BRAF: variants seen among roughly 807,000 people sequenced by gnomAD.
BRAF encodes B-Raf proto-oncogene, serine/threonine kinase.
In BRAF, 16 loss-of-function variants were observed where a neutral mutation model predicts 104.6. The ratio of observed to expected loss-of-function variants is 0.15; its 90% CI spans 0.10 to 0.23. The LOEUF is 0.23. BRAF is among the 10% of genes least tolerant of loss of function. BRAF has a pLI of 1.00. For missense variants in BRAF, 541 were observed against 937.3 expected (o/e 0.58, Z 5.52); for synonymous variants, 310 against 341.6 (o/e 0.91, Z 1.02).
intron 19 of BRAF, chr7:140,732,989 T>C (rs1249876369): frequency 6.6e-6 from 1 of 152,216 alleles, no homozygotes; most frequent in Admixed American, 6.5e-5. Context: ...TACTTAGATA[T>C]TTTCCAATAG....
At chr7:140,901,790 T>C (rs1402324437) in intron 1 of BRAF, among the ~76,000 whole-genome samples, 1 of 152,214 alleles carries the variant, frequency 6.6e-6, no homozygotes, top group African/African-American at 2.4e-5. Context: ...GCATATTGAA[T>C]TGTGCTCCTT....
chr7:140,902,794 G>C (rs1403517655), intron 1 of BRAF, among the ~76,000 whole-genome samples: 1 of 151,974 alleles, frequency 6.6e-6, no homozygotes, highest in African/African-American at 2.4e-5. Flanking sequence ...TTTAAGAAAA[G>C]CAAGCAAGCA....
In BRAF at chr7:140,725,414, GT is replaced by G. The variant is rs1436388989; in HGVS notation, c.*1079del. 1 of 950,376 alleles carries G rather than the reference GT, an allele frequency of 1.1e-6. No homozygotes were observed. Among genetic ancestry groups the G allele is most frequent in the African/African-American group, 1.7e-5 (1 of 57,772 alleles). The allele number at this position is 950,376 out of a possible 1,614,324, so 58.9% of individuals were successfully genotyped here. A position where few individuals can be genotyped will look rare whatever the true frequency, so the allele number is the denominator to read the frequency against. On this transcript the variant is annotated 3_prime_UTR_variant, in exon 20 of 20. Coordinates refer to ENST00000644969, the MANE Select transcript of BRAF (RefSeq NM_001374258.1). ...ACAATTTTCAGGATATATAATTCTGGTGGGAAGTATTGTTTTTTTCCAATTC... is the reference window on the plus strand; with the variant it reads ...ACAATTTTCAGGATATATAATTCTGGGGGAAGTATTGTTTTTTTCCAATTC...
intron 14 of BRAF, among the ~76,000 whole-genome samples, chr7:140,773,986 C>T (rs766483249): frequency 4.3e-4 from 65 of 152,180 alleles, no homozygotes; most frequent in Non-Finnish European, 8.1e-4. Context: ...AAATCTGTCA[C>T]CTTAATCTGA....
intron 18 of BRAF, 119 bp downstream of exon 17, chr7:140,739,693 T>C (rs1796747640): frequency 1.1e-5 from 13 of 1,194,680 alleles, no homozygotes; most frequent in Non-Finnish European, 1.3e-5. Flanking sequence ...TTTTCTTGTC[T>C]GGAGTCTGCA....
chr7:140,734,842 A>C, intron 18 of BRAF, 72 bp from the exon 18 acceptor site: 4 of 1,407,432 alleles, frequency 2.8e-6, no homozygotes, highest in Non-Finnish European at 3.8e-6. Context: ...GAAAAAGAAA[A>C]AACAGAAAGA....
chr7:140,903,437 C>T (rs1013518788), intron 1 of BRAF, among the ~76,000 whole-genome samples: 3 of 152,112 alleles, frequency 2.0e-5, no homozygotes, highest in South Asian at 2.1e-4. Context: ...TGAGACCCAC[C>T]GCTCAGAAAA....
At chr7:140,917,251 G>T (rs1817726778) in intron 1 of BRAF, among the ~76,000 whole-genome samples, 1 of 152,040 alleles carries the variant, frequency 6.6e-6, no homozygotes, top group East Asian at 1.9e-4. Context: ...AGTAGAGAGG[G>T]GGTTTCACCA....
At chr7:140,738,007 T>A (rs1304464123) in intron 18 of BRAF, among the ~76,000 whole-genome samples, 1 of 152,102 alleles carries the variant, frequency 6.6e-6, no homozygotes. Context: ...ACATTCTAAG[T>A]AAGAACCCGA....
At chr7:140,801,206 T>A (rs1418725769) in intron 6 of BRAF, 2 of 554,174 alleles carry the variant, frequency 3.6e-6, no homozygotes, top group African/African-American at 3.8e-5. Flanking sequence ...AAATATAAAT[T>A]AACTGTATAG....
chr7:140,754,993 A>T lies in BRAF; in HGVS notation c.1815-760T>A, dbSNP rs542345522. 7.8e-4 allele frequency among the ~76,000 whole-genome samples: 119 copies of T among 152,290 alleles called. 1 individual carries two copies. Among genetic ancestry groups the T allele is most frequent in the Non-Finnish European group, 5.9e-5 (4 of 68,006 alleles). The stretch of plus-strand genomic sequence containing the variant: ...CCTAAAAACTGCTTTAGCTACATTC[A>T]TTGAAGTAAAAGGCAGCATTGTTGT... On this transcript the variant is annotated intron_variant, in intron 14 of 19. Transcript: ENST00000644969.
chr7:140,860,846 CTTATA>C (rs1460192979), intron 1 of BRAF, among the ~76,000 whole-genome samples: 3 of 152,166 alleles, frequency 2.0e-5, no homozygotes, highest in Admixed American at 2.0e-4. Flanking sequence ...CATGTAGCTA[CTTATA>C]TTCACATATG....
chr7:140,886,071 A>G (rs6954652), intron 1 of BRAF, among the ~76,000 whole-genome samples: 4 of 151,956 alleles, frequency 2.6e-5, no homozygotes, highest in African/African-American at 4.8e-5. Context: ...GTCCTGAAAC[A>G]CCCATTGTTT....
intron 1 of BRAF, among the ~76,000 whole-genome samples, chr7:140,918,931 A>C (rs1563038320): frequency 6.6e-6 from 1 of 152,044 alleles, no homozygotes; most frequent in African/African-American, 2.4e-5. Context: ...CGAGGTCAGG[A>C]GATTGAGACC....
At chr7:140,915,878 G>A (rs1317894745) in intron 1 of BRAF, among the ~76,000 whole-genome samples, 1 of 151,962 alleles carries the variant, frequency 6.6e-6, no homozygotes, top group Admixed American at 6.6e-5. Flanking sequence ...GCAAGGTGAT[G>A]CTGGGTGCGG....
At chr7:140,899,735 T>C (rs1815387242) in intron 1 of BRAF, among the ~76,000 whole-genome samples, 1 of 152,228 alleles carries the variant, frequency 6.6e-6, no homozygotes, top group Non-Finnish European at 1.5e-5. Context: ...TTTATGTATA[T>C]TTTTCATACC....
In BRAF at chr7:140,787,642, G is replaced by A. The variant is rs577870515; in HGVS notation, c.1141-58C>T. ...AGCAAGCATATAATCAGAGAGTAGC[G>A]ATAACACTGAATTTTCCACTAACGT... is the stretch of plus-strand genomic sequence containing the variant. On this transcript the variant is annotated intron_variant, in intron 8 of 19. Coordinates refer to ENST00000644969, the MANE Select transcript of BRAF (RefSeq NM_001374258.1). 221 of 1,420,420 alleles carry A rather than the reference G, an allele frequency of 1.6e-4. 2 individuals carry two copies. Among genetic ancestry groups the A allele is most frequent in the South Asian group, 1.5e-3 (130 of 84,524 alleles). The allele number at this position is 1,420,420 out of a possible 1,614,324, so 88.0% of individuals were successfully genotyped here. A position where few individuals can be genotyped will look rare whatever the true frequency, so the allele number is the denominator to read the frequency against.
intron 14 of BRAF, 91 bp downstream of exon 13, chr7:140,776,821 T>A: frequency 2.4e-6 from 3 of 1,258,734 alleles, no homozygotes; most frequent in Non-Finnish European, 3.5e-6. Context: ...TAATTTAAAA[T>A]GCAATCCAAA....
At chr7:140,917,963 T>C (rs1177033131) in intron 1 of BRAF, among the ~76,000 whole-genome samples, 4 of 152,200 alleles carry the variant, frequency 2.6e-5, no homozygotes, top group African/African-American at 4.8e-5. Flanking sequence ...TGTTGAGGAA[T>C]TGTGAGAGGA....
Sources: allele counts gnomAD v4.1 joint callset (sites outside exome capture counted in the v4.1 genomes callset), GRCh38; gene constraint gnomAD v4.1.1; transcripts MANE v1.5; gene names NCBI Gene and HGNC (gene_info 2026-07-23, HGNC 2026-07-21).